HDAC9: variants seen among roughly 807,000 people sequenced by gnomAD.
HDAC9 encodes histone deacetylase 9.
In HDAC9, 41 loss-of-function variants were observed where a neutral mutation model predicts 139.4. That is an observed-to-expected ratio of 0.29 (90% CI 0.23 to 0.38). The LOEUF (loss-of-function observed/expected upper bound fraction) is 0.38. Ranked by LOEUF, HDAC9 falls within the 10% of genes least tolerant of loss-of-function variation. The pLI is 1.00. For synonymous variants in HDAC9, 517 were observed against 476.2 expected, an observed-to-expected ratio of 1.09 and a Z score of -1.12; for missense variants, 1,147 against 1,297.0, an observed-to-expected ratio of 0.88 and a Z score of 1.78.
At chr7:18,707,261 C>T (rs895996867) in intron 12 of HDAC9, among the ~76,000 whole-genome samples, 2 of 152,164 alleles carry the variant, frequency 1.3e-5, no homozygotes, top group East Asian at 1.9e-4. Flanking sequence ...AGAAAAGTAT[C>T]TTTAACATAG....
intron 1 of HDAC9, among the ~76,000 whole-genome samples, chr7:18,315,239 C>G (rs1171114116): frequency 1.3e-5 from 2 of 152,080 alleles, no homozygotes; most frequent in Non-Finnish European, 2.9e-5. Context: ...TTATTGAGCA[C>G]TTAGTAGGGG....
Position 18,880,843 on chromosome 7 carries a change from CGGG to C in HDAC9, c.2803+6256_2803+6258del, listed in dbSNP as rs33919260. Among the ~76,000 whole-genome samples, 22 of 139,412 alleles carry C rather than the reference CGGG, an allele frequency of 1.6e-4. 1 individual carries two copies. Among genetic ancestry groups the C allele is most frequent in the African/African-American group, 5.6e-4 (21 of 37,280 alleles). 91.5% of individuals were successfully genotyped at this position (139,412 alleles called of 152,430 possible). Reference sequence around the variant, plus strand: ...TTAAAAAAGAATAGTTAATAGTTGCCGGGGGGGGGGGAACCAAATAACAAAGCT... The same window carrying C: ...TTAAAAAAGAATAGTTAATAGTTGCCGGGGGGGGAACCAAATAACAAAGCT... On this transcript the variant is annotated intron_variant, in intron 22 of 25. Transcript: ENST00000686413.
chr7:18,639,701 T>C (rs962362335), intron 8 of HDAC9, among the ~76,000 whole-genome samples: 7 of 152,072 alleles, frequency 4.6e-5, no homozygotes, highest in African/African-American at 1.7e-4. Context: ...TTTTCTTTTT[T>C]AAAACGTGGC....
rs1313537561 is a variant in HDAC9 at position 18,708,953 on chromosome 7, A to C, written c.1732-18627A>C. Among the ~76,000 whole-genome samples the C allele has an allele frequency of 5.3e-4, 80 of 152,108 alleles. 1 individual carries two copies. Among genetic ancestry groups the C allele is most frequent in the Admixed American group, 5.2e-3 (80 of 15,262 alleles). ...ATGCACACACACACACACAATTCATACACACATGTATACATACATATATAT... is the reference window on the plus strand; with the variant it reads ...ATGCACACACACACACACAATTCATCCACACATGTATACATACATATATAT... On this transcript the variant is annotated intron_variant, in intron 12 of 25. Transcript: ENST00000686413.
intron 21 of HDAC9, among the ~76,000 whole-genome samples, chr7:18,871,872 G>T (rs1384373082): frequency 2.0e-5 from 3 of 152,142 alleles, no homozygotes; most frequent in African/African-American, 4.8e-5. Context: ...AGGAGAACAA[G>T]AGTTTAATGC....
At chr7:18,202,850 G>T (rs1383947910) in intron 2 of HDAC9, among the ~76,000 whole-genome samples, 1 of 152,128 alleles carries the variant, frequency 6.6e-6, no homozygotes, top group Non-Finnish European at 1.5e-5. Flanking sequence ...TGGTTGCCAT[G>T]GGCTCAGGAG....
At chr7:18,098,336 A>G (rs1358515998) in intron 1 of HDAC9, among the ~76,000 whole-genome samples, 1 of 152,348 alleles carries the variant, frequency 6.6e-6, no homozygotes, top group African/African-American at 2.4e-5. Flanking sequence ...TTATAACAGT[A>G]TTGAATCTAG....
At chr7:18,463,879 T>G (rs950689050) in intron 1 of HDAC9, among the ~76,000 whole-genome samples, 2 of 151,936 alleles carry the variant, frequency 1.3e-5, no homozygotes, top group Admixed American at 6.6e-5. Flanking sequence ...TTATTATTTA[T>G]TATGAATTTC....
chr7:18,217,062 G>A (rs963501925), intron 2 of HDAC9, among the ~76,000 whole-genome samples: 3 of 151,816 alleles, frequency 2.0e-5, no homozygotes, highest in East Asian at 1.9e-4. Context: ...AAGAATCCAC[G>A]CAAAAAATCA....
chr7:18,870,568 C>G (rs1390977081), intron 21 of HDAC9, among the ~76,000 whole-genome samples: 1 of 152,060 alleles, frequency 6.6e-6, no homozygotes, highest in Non-Finnish European at 1.5e-5. Context: ...TTCAAAGTTT[C>G]TGTTATTTTC....
At chr7:18,323,181 C>G (rs1262901009) in intron 1 of HDAC9, among the ~76,000 whole-genome samples, 2 of 152,246 alleles carry the variant, frequency 1.3e-5, no homozygotes, top group South Asian at 2.1e-4. Context: ...TCTTTGAACC[C>G]GTTCAGTCTC....
intron 2 of HDAC9, among the ~76,000 whole-genome samples, chr7:18,182,166 G>A (rs891742327): frequency 1.3e-5 from 2 of 152,174 alleles, no homozygotes; most frequent in African/African-American, 4.8e-5. Context: ...GAAACTTGAA[G>A]AGCTTGAGAA....
chr7:18,807,917 T>C (rs192313853), intron 17 of HDAC9: 1 of 152,338 alleles, frequency 6.6e-6, no homozygotes, highest in East Asian at 1.9e-4. Flanking sequence ...GATGGAATGT[T>C]CTCCATCTGT....
intron 12 of HDAC9, among the ~76,000 whole-genome samples, chr7:18,706,448 T>C (rs1295114629): frequency 6.6e-6 from 1 of 152,174 alleles, no homozygotes; most frequent in Admixed American, 6.5e-5. Context: ...TCCCACTAAT[T>C]TTAACTTTTT....
chr7:18,986,750 G>A (rs1473865002), intron 25 of HDAC9, among the ~76,000 whole-genome samples: 1 of 152,088 alleles, frequency 6.6e-6, no homozygotes, highest in Non-Finnish European at 1.5e-5. Context: ...ATTTCCTTGA[G>A]CAGTGGTTTG....
chr7:18,923,411 G>A (rs1585319490), intron 22 of HDAC9, among the ~76,000 whole-genome samples: 2 of 152,108 alleles, frequency 1.3e-5, no homozygotes, highest in South Asian at 4.1e-4. Context: ...AGATGTCCAT[G>A]ACCTCTCAGT....
chr7:18,953,970 A>T (rs1248040005), intron 23 of HDAC9, among the ~76,000 whole-genome samples, 176 bp from the exon 24 acceptor site: 2 of 152,090 alleles, frequency 1.3e-5, no homozygotes, highest in Non-Finnish European at 2.9e-5. Flanking sequence ...AATTACATGG[A>T]TACAAAACAG....
chr7:18,669,777 A>C (rs973394114), intron 12 of HDAC9, among the ~76,000 whole-genome samples: 8 of 151,914 alleles, frequency 5.3e-5, no homozygotes, highest in Admixed American at 3.9e-4. Context: ...GCATTAGAAA[A>C]CTTTTCATTA....
intron 1 of HDAC9, among the ~76,000 whole-genome samples, chr7:18,367,233 C>G (rs1784253321): frequency 6.6e-6 from 1 of 152,020 alleles, no homozygotes; most frequent in Non-Finnish European, 1.5e-5. Context: ...GTTGCAAACT[C>G]AGATGCATAG....
Sources: gnomAD v4.1 joint callset for allele counts (sites outside exome capture counted in the v4.1 genomes callset) on GRCh38, gnomAD v4.1.1 for gene constraint, MANE v1.5 for transcripts, NCBI Gene and HGNC (gene_info 2026-07-23, HGNC 2026-07-21) for gene names.